Variants in FAM81B observed in about 807,000 individuals in gnomAD.
FAM81B encodes protein FAM81B.
In FAM81B, 60 loss-of-function variants were observed where a neutral mutation model predicts 58.7. That is an observed-to-expected ratio of 1.02 (90% CI 0.83 to 1.27). The LOEUF is 1.27. Ranked by LOEUF, FAM81B falls within the 50% of genes most tolerant of loss-of-function variation. The pLI is 0.00. For synonymous variants in FAM81B, 189 were observed against 179.6 expected, an observed-to-expected ratio of 1.05 and a Z score of -0.42; for missense variants, 491 against 522.0, an observed-to-expected ratio of 0.94 and a Z score of 0.58.
chr5:95,421,027 GGAATTAGATAATTACTACCTAA>G (rs1421501585), intron 5 of FAM81B, among the ~76,000 whole-genome samples: 3 of 151,956 alleles, frequency 2.0e-5, no homozygotes, highest in Non-Finnish European at 4.4e-5. Context: ...TAATCCTCTC[GGAATTAGATAATTACTACCTAA>G]GAATTAGATA....
intron 3 of FAM81B, among the ~76,000 whole-genome samples, chr5:95,410,090 G>A (rs1762367331): frequency 6.6e-6 from 1 of 152,212 alleles, no homozygotes; most frequent in Admixed American, 6.5e-5. Context: ...GTCATAGTGA[G>A]TCTTTTAGAA....
At chr5:95,399,305 G>A (rs1332254957) in intron 3 of FAM81B, among the ~76,000 whole-genome samples, 14 of 152,168 alleles carry the variant, frequency 9.2e-5, no homozygotes, top group Admixed American at 9.2e-4. Flanking sequence ...TTATTATTCC[G>A]TGATGCATTG....
intron 3 of FAM81B, among the ~76,000 whole-genome samples, chr5:95,404,180 A>G (rs547885275): frequency 1.3e-5 from 2 of 152,300 alleles, no homozygotes; most frequent in East Asian, 3.9e-4. Context: ...GTCCACCACT[A>G]GGCTATGTGT....
At chr5:95,426,726 G>A (rs1762841035) in intron 5 of FAM81B, among the ~76,000 whole-genome samples, 1 of 152,046 alleles carries the variant, frequency 6.6e-6, no homozygotes, top group South Asian at 2.1e-4. Flanking sequence ...TTTTTCAGAT[G>A]AGGAAAACTG....
chr5:95,436,676 T>C, intron 6 of FAM81B, 124 bp from the exon 7 acceptor site: 1 of 711,604 alleles, frequency 1.4e-6, no homozygotes, highest in Non-Finnish European at 2.5e-6. Context: ...CAAGTCTGTT[T>C]CCCAGCTCCT....
chr5:95,450,093 TA>T (rs1001571103), intron 9 of FAM81B, 55 bp from the exon 10 acceptor site: 25 of 1,532,944 alleles, frequency 1.6e-5, no homozygotes, highest in African/African-American at 7.1e-5. Context: ...GCAACTTTTT[TA>T]AAAAAAAGCT....
At chr5:95,425,527 A>G (rs958337778) in intron 5 of FAM81B, among the ~76,000 whole-genome samples, 1 of 152,188 alleles carries the variant, frequency 6.6e-6, no homozygotes, top group African/African-American at 2.4e-5. Context: ...ATTCTCAAGC[A>G]CTCAAGAACT....
chr5:95,407,847 A>G (rs1414182250), intron 3 of FAM81B, among the ~76,000 whole-genome samples: 2 of 152,292 alleles, frequency 1.3e-5, no homozygotes, highest in African/African-American at 4.8e-5. Flanking sequence ...ATTACTGTCC[A>G]TGTTAGTTAT....
At chr5:95,412,972 T>A (rs1308072364) in intron 3 of FAM81B, among the ~76,000 whole-genome samples, 1 of 152,204 alleles carries the variant, frequency 6.6e-6, no homozygotes, top group Non-Finnish European at 1.5e-5. Flanking sequence ...TAAGAATATT[T>A]CATCACTCAA....
intron 3 of FAM81B, among the ~76,000 whole-genome samples, chr5:95,405,572 T>C (rs1244821505): frequency 1.3e-5 from 2 of 152,230 alleles, no homozygotes; most frequent in Admixed American, 1.3e-4. Flanking sequence ...CATTTTAATA[T>C]TTCTCTTCTG....
intron 2 of FAM81B, 125 bp downstream of exon 2, chr5:95,393,022 G>A: frequency 2.3e-6 from 2 of 866,486 alleles, no homozygotes; most frequent in South Asian, 2.7e-5. Flanking sequence ...TGTTTGTTCT[G>A]TCTTGGCAAA....
intron 6 of FAM81B, among the ~76,000 whole-genome samples, chr5:95,433,915 CTTAATT>C (rs749535642): frequency 6.6e-6 from 1 of 151,884 alleles, no homozygotes; most frequent in Non-Finnish European, 1.5e-5. Flanking sequence ...TTTTTTCTTT[CTTAATT>C]TTAATACTTA....
At chr5:95,397,807 G>T (rs771876923) in intron 3 of FAM81B, among the ~76,000 whole-genome samples, 1 of 152,088 alleles carries the variant, frequency 6.6e-6, no homozygotes, top group Non-Finnish European at 1.5e-5. Context: ...ATTTCACATT[G>T]TTAATTGTCT....
intron 8 of FAM81B, 136 bp downstream of exon 8, chr5:95,446,833 C>A: frequency 9.7e-7 from 1 of 1,025,854 alleles, no homozygotes; most frequent in Non-Finnish European, 1.4e-6. Context: ...TTAAACACCA[C>A]AATAGGAGTC....
At chr5:95,424,298 T>C (rs1762766624) in intron 5 of FAM81B, 2 of 1,129,254 alleles carry the variant, frequency 1.8e-6, no homozygotes, top group Non-Finnish European at 2.4e-6. Context: ...AGATAGATGA[T>C]AGACAGACAG....
intron 5 of FAM81B, among the ~76,000 whole-genome samples, chr5:95,425,696 C>T (rs1317842231): frequency 6.6e-6 from 1 of 152,038 alleles, no homozygotes; most frequent in African/African-American, 2.4e-5. Context: ...CATTAAATAA[C>T]CATAGACATT....
rs1378663449 is a variant in FAM81B at position 95,420,294 on chromosome 5, A to G, written c.548A>G (p.Asp183Gly). The G allele has an allele frequency of 2.5e-6, 4 of 1,613,664 alleles. No individual in the cohort carries two copies. The South Asian group carries it at 3.3e-5, about 13-fold the overall frequency. The change falls in exon 5 of 10, where the codon GAC (aspartate) becomes GGC (glycine). Residue 183 changes from aspartate to glycine, a missense_variant. Coordinates refer to ENST00000283357, the MANE Select transcript of FAM81B (RefSeq NM_152548.3). ...KLSQNIEILE[D>G]QIRARDQAAT... ...GACTCAAAATTACAGATTTTAGAAG[A>G]CCAAATAAGAGCTCGAGATCAGGCG... is the stretch of plus-strand genomic sequence containing the variant.
chr5:95,422,441 G>A (rs1479004904), intron 5 of FAM81B, among the ~76,000 whole-genome samples: 1 of 151,974 alleles, frequency 6.6e-6, no homozygotes, highest in African/African-American at 2.4e-5. Flanking sequence ...CTATTTAGAT[G>A]TGCCAAGATT....
chr5:95,405,964 T>C (rs6898354), intron 3 of FAM81B, among the ~76,000 whole-genome samples: 40,243 of 152,216 alleles, frequency 0.26, 5,518 homozygotes, highest in Middle Eastern at 0.29. Context: ...ACTGCTCCAA[T>C]TCCTTACCAA....
Sources: allele counts gnomAD v4.1 joint callset (sites outside exome capture counted in the v4.1 genomes callset), GRCh38; gene constraint gnomAD v4.1.1; transcripts MANE v1.5; gene names NCBI Gene and HGNC (gene_info 2026-07-23, HGNC 2026-07-21).